ABLIM1: variants seen among roughly 807,000 people sequenced by gnomAD.
The protein encoded by ABLIM1 is actin binding LIM protein 1.
A neutral mutation model predicts 107.0 loss-of-function variants in ABLIM1; 40 were observed. That is an observed-to-expected ratio of 0.37 (90% confidence interval 0.29 to 0.49). The LOEUF is 0.49. Among genes scored for constraint, ABLIM1 ranks in the 20% least tolerant of loss-of-function variants. ABLIM1 has a pLI of 0.97. For synonymous variants in ABLIM1, 357 were observed against 357.3 expected (o/e 1.00, Z 0.01); for missense variants, 857 against 1,008.5 (o/e 0.85, Z 2.04).
chr10:114,728,318 T>C (rs79831602), intron 1 of ABLIM1, among the ~76,000 whole-genome samples: 4,956 of 152,158 alleles, frequency 0.033, 125 homozygotes, highest in Non-Finnish European at 0.046. Context: ...TTTTAATATC[T>C]AATAAAGCAA....
intron 1 of ABLIM1, among the ~76,000 whole-genome samples, chr10:114,702,284 C>T (rs2081321492): frequency 6.6e-6 from 1 of 152,114 alleles, no homozygotes; most frequent in Admixed American, 6.5e-5. Flanking sequence ...AATACATGAT[C>T]TTTAAAAAAT....
chr10:114,623,300 G>T (rs954644483), intron 1 of ABLIM1, among the ~76,000 whole-genome samples: 1 of 152,036 alleles, frequency 6.6e-6, no homozygotes, highest in South Asian at 2.1e-4. Context: ...GCCCCAACTC[G>T]CCCCCATGAA....
At chr10:114,771,669 T>C (rs2083026549), upstream of ABLIM1, among the ~76,000 whole-genome samples, 2 of 152,186 alleles carry the variant, frequency 1.3e-5, no homozygotes, top group Admixed American at 1.3e-4. Flanking sequence ...CTGAAATAAC[T>C]GAGAATACTT....
intron 5 of ABLIM1, 165 bp downstream of exon 5, chr10:114,547,485 A>C: frequency 3.0e-4 from 233 of 782,430 alleles, no homozygotes; most frequent in Middle Eastern, 7.7e-4. Flanking sequence ...AGGCAAAAGA[A>C]TACAATTCTT....
chr10:114,711,254 T>A (rs1234703973), intron 1 of ABLIM1, among the ~76,000 whole-genome samples: 1 of 152,230 alleles, frequency 6.6e-6, no homozygotes, highest in Non-Finnish European at 1.5e-5. Context: ...CATCATTTTC[T>A]TTTGCCATTT....
intron 6 of ABLIM1, among the ~76,000 whole-genome samples, chr10:114,534,836 T>G (rs1324404249): frequency 1.3e-5 from 2 of 152,228 alleles, no homozygotes; most frequent in Non-Finnish European, 2.9e-5. Flanking sequence ...AAACTGTTAT[T>G]TCCAGATAAG....
At chr10:114,704,757 G>A (rs758280049) in intron 1 of ABLIM1, among the ~76,000 whole-genome samples, 22 of 151,968 alleles carry the variant, frequency 1.4e-4, no homozygotes, top group Non-Finnish European at 2.2e-4. Flanking sequence ...TCTGTTATAG[G>A]GTATTGCTAC....
At chr10:114,660,518 C>T (rs115882049), upstream of ABLIM1, among the ~76,000 whole-genome samples, 1,466 of 151,878 alleles carry the variant, frequency 9.7e-3, 26 homozygotes, top group African/African-American at 0.034. Flanking sequence ...AAAAAAAAAC[C>T]GTATTTCCCA....
chr10:114,749,448 C>CA (rs2082459674), intron 1 of ABLIM1, among the ~76,000 whole-genome samples: 1 of 93,016 alleles, frequency 1.1e-5, no homozygotes, highest in Non-Finnish European at 2.3e-5. Flanking sequence ...ACAACACACA[C>CA]ACCACACACA....
chr10:114,743,517 C>T (rs2082326379), intron 1 of ABLIM1, among the ~76,000 whole-genome samples: 1 of 152,160 alleles, frequency 6.6e-6, no homozygotes, highest in Non-Finnish European at 1.5e-5. Context: ...AATTTTAAAT[C>T]AGTCCAAGTG....
chr10:114,494,044 G>A (rs1436531866), intron 6 of ABLIM1, among the ~76,000 whole-genome samples: 1 of 152,234 alleles, frequency 6.6e-6, no homozygotes, highest in East Asian at 1.9e-4. Flanking sequence ...CTTTAGTATG[G>A]GCATGGGAGT....
chr10:114,530,108 T>A (rs1288801697), intron 6 of ABLIM1, among the ~76,000 whole-genome samples: 3 of 152,178 alleles, frequency 2.0e-5, no homozygotes, highest in Non-Finnish European at 4.4e-5. Context: ...AAAGTAGGAT[T>A]GTGATGATGG....
chr10:114,486,101 A>G (rs1425060941), intron 8 of ABLIM1, among the ~76,000 whole-genome samples: 1 of 152,218 alleles, frequency 6.6e-6, no homozygotes, highest in Non-Finnish European at 1.5e-5. Flanking sequence ...GAAGAAAACA[A>G]TAGCTCCTCT....
At chr10:114,488,785 C>T (rs1408632476) in intron 7 of ABLIM1, among the ~76,000 whole-genome samples, 3 of 152,090 alleles carry the variant, frequency 2.0e-5, no homozygotes, top group Non-Finnish European at 1.5e-5. Flanking sequence ...CCAATGCCTG[C>T]TCATATGATT....
At chr10:114,542,078 C>T (rs2066734058) in intron 6 of ABLIM1, among the ~76,000 whole-genome samples, 1 of 152,124 alleles carries the variant, frequency 6.6e-6, no homozygotes. Context: ...CTTTGTACAG[C>T]TGGACATCTG....
chr10:114,493,302 C>T (rs879828437), intron 6 of ABLIM1, among the ~76,000 whole-genome samples: 1 of 152,160 alleles, frequency 6.6e-6, no homozygotes, highest in African/African-American at 2.4e-5. Flanking sequence ...TCTCTGGACT[C>T]TTAAGGAAAA....
intron 1 of ABLIM1, among the ~76,000 whole-genome samples, chr10:114,741,641 T>C (rs1386863366): frequency 6.6e-6 from 1 of 152,196 alleles, no homozygotes; most frequent in Non-Finnish European, 1.5e-5. Context: ...AAATGGTTAA[T>C]ATCTTTAGGA....
At chr10:114,760,460 A>C (rs1274545960) in intron 1 of ABLIM1, among the ~76,000 whole-genome samples, 1 of 150,892 alleles carries the variant, frequency 6.6e-6, no homozygotes. Context: ...ACACTGACTT[A>C]GTGCTTATAG....
At chr10:114,789,248 C>G in the ABLIM1 span, among the ~76,000 whole-genome samples, 1 of 151,896 alleles carries the variant, frequency 6.6e-6, no homozygotes, top group African/African-American at 2.4e-5. Context: ...GAACAAGACT[C>G]CGTCTCAAAA....
Sources: gnomAD v4.1 joint callset for allele counts (sites outside exome capture counted in the v4.1 genomes callset) on GRCh38, gnomAD v4.1.1 for gene constraint, MANE v1.5 for transcripts, NCBI Gene and HGNC (gene_info 2026-07-23, HGNC 2026-07-21) for gene names.